PRKCA: variants seen among roughly 807,000 people sequenced by gnomAD.
PRKCA encodes protein kinase C alpha type.
A neutral mutation model predicts 87.0 loss-of-function variants in PRKCA; 27 were observed. The observed-to-expected ratio is 0.31, with a 90% confidence interval of 0.23 to 0.43. The LOEUF is 0.43. PRKCA is among the 20% of genes least tolerant of loss of function. The probability of loss-of-function intolerance (pLI) is 1.00; values close to 1 mark genes in which losing one functional copy is unlikely to be tolerated. For missense variants in PRKCA, 518 were observed against 852.3 expected (o/e 0.61, Z 4.88); for synonymous variants, 329 against 311.1 (o/e 1.06, Z -0.61).
At chr17:66,650,510 G>A (rs1010720290) in intron 5 of PRKCA, among the ~76,000 whole-genome samples, 5 of 152,116 alleles carry the variant, frequency 3.3e-5, no homozygotes, top group African/African-American at 9.7e-5. Flanking sequence ...AATATCGGGT[G>A]CTTTAGAGCT....
chr17:66,605,281 A>C (rs1418183128), intron 3 of PRKCA, among the ~76,000 whole-genome samples: 2 of 152,198 alleles, frequency 1.3e-5, no homozygotes, highest in Admixed American at 6.5e-5. Flanking sequence ...CTGGTCACTC[A>C]ACTCATAAGT....
rs1304344940 is a variant in PRKCA, at chr17:66,441,256, A to G, written c.206-54945A>G. 2.7e-5 allele frequency among the ~76,000 whole-genome samples: 4 copies of G among 150,730 alleles called. No individual in the cohort carries two copies. In the East Asian group the frequency reaches 7.8e-4, roughly 29 times the overall value. On this transcript the variant is annotated intron_variant, in intron 2 of 16. Coordinates refer to ENST00000413366, the MANE Select transcript of PRKCA (RefSeq NM_002737.3). ...CTCCTCAGGAGGCTGAGGCAGAAGG[A>G]TGGCCTGAGGCCAGGAGTTCGAGAT... is the stretch of plus-strand genomic sequence containing the variant.
Position 66,675,520 on chromosome 17 carries a change from G to A in PRKCA, c.530-11591G>A, listed in dbSNP as rs192922054. On this transcript the variant is annotated intron_variant, in intron 5 of 16. Coordinates refer to ENST00000413366, the MANE Select transcript of PRKCA (RefSeq NM_002737.3). ...GTGCGTGGAGAGAGGACGATCCCTC[G>A]GTCCCTGCAGAACCAGGCTCTTGAA... 1.3e-3 allele frequency among the ~76,000 whole-genome samples: 194 copies of A among 152,220 alleles called. 3 individuals carry two copies. The highest frequency in any genetic ancestry group is 0.012 in the Admixed American group (190 of 15,290).
intron 16 of PRKCA, among the ~76,000 whole-genome samples, chr17:66,795,813 G>A (rs934253267): frequency 6.6e-6 from 1 of 152,178 alleles, no homozygotes; most frequent in Non-Finnish European, 1.5e-5. Flanking sequence ...AAGACCAAAT[G>A]GAGTACATGT....
At chr17:66,589,980 G>A (rs182818723) in intron 3 of PRKCA, among the ~76,000 whole-genome samples, 117 of 152,238 alleles carry the variant, frequency 7.7e-4, no homozygotes, top group African/African-American at 2.7e-3. Context: ...ATCTCATGCC[G>A]CCGGTGATCT....
Position 66,588,635 on chromosome 17 carries a change from C to CTTTTTTTTTTT in PRKCA, c.289-52703_289-52693dup, listed in dbSNP as rs397856363. Among the ~76,000 whole-genome samples the CTTTTTTTTTTT allele has an allele frequency of 1.0e-4, 4 of 39,110 alleles. 1 individual carries two copies. The highest frequency in any genetic ancestry group is 1.3e-3 in the East Asian group (2 of 1,524). 25.7% of individuals were successfully genotyped at this position (39,110 alleles called of 152,430 possible). On this transcript the variant is annotated intron_variant, in intron 3 of 16. Coordinates refer to ENST00000413366, the MANE Select transcript of PRKCA (RefSeq NM_002737.3). ...CTTTCTGAGGTTTTATTTTGCTTTGCTTTTTTTTTTTTTTTTTTTTTTTTT... is the reference window on the plus strand; with the variant it reads ...CTTTCTGAGGTTTTATTTTGCTTTGCTTTTTTTTTTTTTTTTTTTTTTTTTTTTTTTTTTTT...
chr17:66,428,102 G>A (rs1912909379), intron 2 of PRKCA, among the ~76,000 whole-genome samples: 1 of 152,078 alleles, frequency 6.6e-6, no homozygotes, highest in Non-Finnish European at 1.5e-5. Context: ...ATCGTAAATG[G>A]TGCTTTTACA....
chr17:66,792,812 G>C lies in PRKCA; in HGVS notation c.1854+3833G>C, dbSNP rs1975573322. 6.6e-6 allele frequency among the ~76,000 whole-genome samples: 1 copy of C among 152,192 alleles called. No individual in the cohort carries two copies. The highest frequency in any genetic ancestry group is 1.5e-5 in the Non-Finnish European group (1 of 68,032). ...TTCCCTGGCAGTGGCCATCTCCCCT[G>C]GTGGTGGCAGGGTCCCATGGCGGTG... On this transcript the variant is annotated intron_variant, in intron 16 of 16. Coordinates refer to ENST00000413366, the MANE Select transcript of PRKCA (RefSeq NM_002737.3). The surrounding 1 kb of genome is among the most constrained non-coding windows in gnomAD (Gnocchi z 4.5).
At chr17:66,789,802 T>C (rs3826351) in intron 16 of PRKCA, among the ~76,000 whole-genome samples, 23,225 of 152,234 alleles carry the variant, frequency 0.15, 3,509 homozygotes, top group African/African-American at 0.39. Context: ...GCTGATGCTG[T>C]GGGCCCTAAT....
chr17:66,419,637 A>G (rs1912372633), intron 2 of PRKCA, among the ~76,000 whole-genome samples: 3 of 151,916 alleles, frequency 2.0e-5, no homozygotes, highest in African/African-American at 7.2e-5. Context: ...CTTGATGTGA[A>G]TTATATGTGA....
At chr17:66,478,031 C>T (rs1451812541) in intron 2 of PRKCA, among the ~76,000 whole-genome samples, 1 of 152,180 alleles carries the variant, frequency 6.6e-6, no homozygotes, top group East Asian at 1.9e-4. Context: ...AGGTTAAGGA[C>T]GTGCGCCCAG....
intron 13 of PRKCA, among the ~76,000 whole-genome samples, chr17:66,757,545 G>C (rs1320027893): frequency 7.5e-6 from 1 of 133,134 alleles, no homozygotes; most frequent in Non-Finnish European, 1.6e-5. Flanking sequence ...AAAGACAGTA[G>C]AGTGAAATAT....
intron 3 of PRKCA, among the ~76,000 whole-genome samples, chr17:66,622,844 A>G (rs1215073038): frequency 6.6e-6 from 1 of 152,224 alleles, no homozygotes; most frequent in Admixed American, 6.5e-5. Flanking sequence ...TACTACTACA[A>G]GAACAGTACG....
chr17:66,358,363 C>T (rs1908189625), intron 2 of PRKCA, among the ~76,000 whole-genome samples: 2 of 152,058 alleles, frequency 1.3e-5, no homozygotes, highest in Non-Finnish European at 2.9e-5. Context: ...TTAATTGATG[C>T]TTTGAATGGC....
intron 13 of PRKCA, among the ~76,000 whole-genome samples, chr17:66,771,894 G>A (rs901821658): frequency 3.3e-5 from 5 of 152,074 alleles, no homozygotes; most frequent in Non-Finnish European, 2.9e-5. Flanking sequence ...CACGCCCGCC[G>A]CTTCCTTATT....
At chr17:66,406,585 GTTTTTTTTTTT>G (rs71160568) in intron 2 of PRKCA, among the ~76,000 whole-genome samples, 15 of 70,186 alleles carry the variant, frequency 2.1e-4, no homozygotes, top group African/African-American at 6.0e-4. Context: ...GCTTTTCCAG[GTTTTTTTTTTT>G]TTTTTTTTTT....
chr17:66,427,535 T>C (rs1054964832), intron 2 of PRKCA, among the ~76,000 whole-genome samples: 15 of 152,256 alleles, frequency 9.9e-5, no homozygotes, highest in Non-Finnish European at 2.9e-5. Context: ...AGGTTTTCTG[T>C]TTATTTGTAG....
intron 2 of PRKCA, among the ~76,000 whole-genome samples, chr17:66,327,526 A>G (rs925550758): frequency 4.6e-5 from 7 of 152,088 alleles, no homozygotes; most frequent in African/African-American, 1.7e-4. Context: ...ACACAGTGAG[A>G]CTGTCTCAAA....
rs569636635 is a variant in PRKCA at position 66,621,969 on chromosome 17, C to T, written c.289-19386C>T. Reference sequence around the variant, plus strand: ...CTAATCCCAGCAATTTGGGCGTCCACGGCGGGAGGATTGCTTGAGGCCAGG... The same window carrying T: ...CTAATCCCAGCAATTTGGGCGTCCATGGCGGGAGGATTGCTTGAGGCCAGG... On this transcript the variant is annotated intron_variant, in intron 3 of 16. Transcript: ENST00000413366. Among the ~76,000 whole-genome samples, 5 of 152,252 alleles carry T rather than the reference C, an allele frequency of 3.3e-5. No homozygotes were observed. In the East Asian group the frequency reaches 5.8e-4, roughly 18 times the overall value.
Sources: gnomAD v4.1 joint callset for allele counts (sites outside exome capture counted in the v4.1 genomes callset) on GRCh38, gnomAD v4.1.1 for gene constraint, Gnocchi (gnomAD v3.1) non-coding constraint, MANE v1.5 for transcripts, NCBI Gene and HGNC (gene_info 2026-07-23, HGNC 2026-07-21) for gene names.